NEK11: variants seen among roughly 807,000 people sequenced by gnomAD.
NEK11 encodes serine/threonine-protein kinase Nek11.
Under a neutral mutation model 80.7 loss-of-function variants are expected in NEK11, and 72 were observed. The ratio of observed to expected loss-of-function variants is 0.89; its 90% confidence interval spans 0.74 to 1.08. The LOEUF (loss-of-function observed/expected upper bound fraction) is 1.08. Ranked by LOEUF, NEK11 falls within the 50% of genes least tolerant of loss-of-function variation. NEK11 has a pLI of 0.00. For missense variants in NEK11, 764 were observed against 763.6 expected (o/e 1.00, Z -0.01); for synonymous variants, 251 against 260.7 (o/e 0.96, Z 0.36).
At chr3:131,297,565 C>T (rs929669945) in intron 17 of NEK11, among the ~76,000 whole-genome samples, 2 of 151,838 alleles carry the variant, frequency 1.3e-5, no homozygotes, top group African/African-American at 2.4e-5. Context: ...GGATATTAGC[C>T]CTTTGTCAGA....
At chr3:131,212,461 G>A (rs961325841) in intron 14 of NEK11, among the ~76,000 whole-genome samples, 12 of 152,222 alleles carry the variant, frequency 7.9e-5, no homozygotes, top group African/African-American at 2.4e-4. Context: ...ACTTGAGGAG[G>A]CAGTCTGTCC....
At chr3:131,152,361 A>C in intron 7 of NEK11, 27 bp from the exon 8 acceptor site, 1 of 1,564,884 alleles carries the variant, frequency 6.4e-7, no homozygotes, top group African/African-American at 1.4e-5. Flanking sequence ...TTTGTTCCTT[A>C]TTTAAATTCT....
chr3:131,241,281 A>G (rs888385364), intron 15 of NEK11, among the ~76,000 whole-genome samples: 2 of 152,152 alleles, frequency 1.3e-5, no homozygotes, highest in Non-Finnish European at 2.9e-5. Context: ...AGAAATAACA[A>G]TAAACATGAA....
chr3:131,288,460 T>C (rs1286032900), intron 17 of NEK11, among the ~76,000 whole-genome samples: 2 of 146,006 alleles, frequency 1.4e-5, no homozygotes, highest in African/African-American at 5.0e-5. Context: ...CTTTTTTTTT[T>C]TTTTTTTTTG....
chr3:131,192,975 G>A (rs147239618), intron 14 of NEK11, among the ~76,000 whole-genome samples: 42 of 152,222 alleles, frequency 2.8e-4, no homozygotes, highest in African/African-American at 1.0e-3. Context: ...ACCTTAACAC[G>A]CTTAAAAATT....
chr3:131,137,372 A>C (rs1302761955), intron 7 of NEK11, among the ~76,000 whole-genome samples: 2 of 152,140 alleles, frequency 1.3e-5, no homozygotes. Flanking sequence ...TTTTTGAGAA[A>C]TACAGTCCAA....
intron 4 of NEK11, among the ~76,000 whole-genome samples, chr3:131,104,366 A>C (rs1273493253): frequency 6.6e-6 from 1 of 152,088 alleles, no homozygotes; most frequent in Non-Finnish European, 1.5e-5. Context: ...AAGTTCAGAG[A>C]GCTGCATGGA....
chr3:131,339,116 C>T (rs1280370339), intron 17 of NEK11, among the ~76,000 whole-genome samples: 2 of 152,164 alleles, frequency 1.3e-5, no homozygotes, highest in African/African-American at 2.4e-5. Context: ...CCCCTCCTTT[C>T]CCTGAGAAAG....
At chr3:131,313,656 A>G (rs2096804340) in intron 17 of NEK11, among the ~76,000 whole-genome samples, 1 of 152,174 alleles carries the variant, frequency 6.6e-6, no homozygotes, top group African/African-American at 2.4e-5. Context: ...TCACTATGTT[A>G]TAGACAGAGC....
chr3:131,299,153 G>A (rs2096633965), intron 17 of NEK11, among the ~76,000 whole-genome samples: 1 of 152,158 alleles, frequency 6.6e-6, no homozygotes, highest in South Asian at 2.1e-4. Context: ...TAGCAAGGGT[G>A]TGATGTAAGA....
At chr3:131,206,211 C>T (rs866110109) in intron 14 of NEK11, among the ~76,000 whole-genome samples, 3 of 152,186 alleles carry the variant, frequency 2.0e-5, no homozygotes, top group Non-Finnish European at 4.4e-5. Flanking sequence ...GGTTTGAAAA[C>T]TTCAGACAAA....
At chr3:131,296,193 TATA>T (rs889873530) in intron 17 of NEK11, among the ~76,000 whole-genome samples, 1 of 152,122 alleles carries the variant, frequency 6.6e-6, no homozygotes, top group African/African-American at 2.4e-5. Flanking sequence ...GTGGGTACCT[TATA>T]ATAACAAAAT....
At chr3:131,050,908 CT>C (rs2068284631) in intron 3 of NEK11, among the ~76,000 whole-genome samples, 2 of 152,118 alleles carry the variant, frequency 1.3e-5, no homozygotes, top group Non-Finnish European at 2.9e-5. Context: ...TGCCTGCAGT[CT>C]GTCCCAGCTA....
At chr3:131,154,297 A>G (rs1397047733) in intron 9 of NEK11, among the ~76,000 whole-genome samples, 1 of 152,146 alleles carries the variant, frequency 6.6e-6, no homozygotes, top group Non-Finnish European at 1.5e-5. Flanking sequence ...AATGGGTCAA[A>G]AGGTATTCAC....
At chr3:131,257,674 G>A (rs150101144) in intron 16 of NEK11, among the ~76,000 whole-genome samples, 5 of 152,094 alleles carry the variant, frequency 3.3e-5, no homozygotes, top group African/African-American at 9.6e-5. Context: ...TGCTTCCCCC[G>A]CAATTGTCAG....
intron 4 of NEK11, among the ~76,000 whole-genome samples, chr3:131,089,234 T>G (rs1028268193): frequency 1.3e-5 from 2 of 152,190 alleles, no homozygotes; most frequent in African/African-American, 2.4e-5. Flanking sequence ...TACAGATTCC[T>G]TGGGTCTATG....
intron 14 of NEK11, among the ~76,000 whole-genome samples, chr3:131,222,103 A>G (rs79995997): frequency 0.027 from 4,142 of 152,218 alleles, 207 homozygotes; most frequent in African/African-American, 0.095. Flanking sequence ...GTTGTCTAAT[A>G]TCTTTCAGAG....
At chr3:131,144,974 G>C (rs2087826790) in intron 7 of NEK11, among the ~76,000 whole-genome samples, 1 of 152,072 alleles carries the variant, frequency 6.6e-6, no homozygotes, top group African/African-American at 2.4e-5. Context: ...TTGTTCCATA[G>C]TTTCTTTAGC....
intron 3 of NEK11, among the ~76,000 whole-genome samples, chr3:131,035,372 A>T (rs1423783548): frequency 6.6e-6 from 1 of 152,148 alleles, no homozygotes; most frequent in Non-Finnish European, 1.5e-5. Context: ...AAAGATAATT[A>T]AAAAACCCCA....
Sources: allele counts gnomAD v4.1 joint callset (sites outside exome capture counted in the v4.1 genomes callset), GRCh38; gene constraint gnomAD v4.1.1; transcripts MANE v1.5; gene names NCBI Gene and HGNC (gene_info 2026-07-23, HGNC 2026-07-21).